Variants in DNAH6 observed in about 807,000 individuals in gnomAD.
The protein encoded by DNAH6 is dynein axonemal heavy chain 6.
A neutral mutation model predicts 491.4 loss-of-function variants in DNAH6; 340 were observed. That is an observed-to-expected ratio of 0.69 (90% CI 0.63 to 0.76). The LOEUF (loss-of-function observed/expected upper bound fraction) is 0.76, where lower values mean the gene tolerates loss of function less well. DNAH6 is among the 30% of genes least tolerant of loss of function. The pLI is 0.00. For synonymous variants in DNAH6, 1,603 were observed against 1,686.1 expected (o/e 0.95, Z 1.21); for missense variants, 4,443 against 4,972.2 (o/e 0.89, Z 3.20).
At chr2:84,586,316 T>A (rs534174114) in intron 15 of DNAH6, among the ~76,000 whole-genome samples, 1 of 152,290 alleles carries the variant, frequency 6.6e-6, no homozygotes, top group South Asian at 2.1e-4. Flanking sequence ...TGCCACTGGC[T>A]CCATGGAGTG....
intron 11 of DNAH6, 96 bp from the exon 12 acceptor site, chr2:84,573,371 T>G: frequency 9.7e-7 from 1 of 1,030,626 alleles, no homozygotes; most frequent in South Asian, 1.6e-5. Context: ...GGGCATAGAG[T>G]TTGTGTGCTT....
In DNAH6 at chr2:84,665,782, G is replaced by A. The variant is rs183802141; in HGVS notation, c.6085-3507G>A. ...AGCATCATCCTGACACCAAAGCCTGGCAGAGACACACACAAAAAAAGAGAA... is the reference window on the plus strand; with the variant it reads ...AGCATCATCCTGACACCAAAGCCTGACAGAGACACACACAAAAAAAGAGAA... On this transcript the variant is annotated intron_variant, in intron 37 of 76. Transcript: ENST00000389394. 4.0e-3 allele frequency among the ~76,000 whole-genome samples: 612 copies of A among 152,184 alleles called. 3 individuals are homozygous for A. The highest frequency in any genetic ancestry group is 0.014 in the African/African-American group (571 of 41,532).
At chr2:84,549,662 C>G (rs972264839) in intron 8 of DNAH6, among the ~76,000 whole-genome samples, 7 of 152,120 alleles carry the variant, frequency 4.6e-5, no homozygotes, top group African/African-American at 1.7e-4. Flanking sequence ...GTTAGAATAT[C>G]TAACTGAATT....
At chr2:84,506,463 T>C in the DNAH6 span, among the ~76,000 whole-genome samples, 3 of 152,250 alleles carry the variant, frequency 2.0e-5, no homozygotes, top group African/African-American at 7.2e-5. Context: ...AGATTCTGTA[T>C]ATTAGCCCTA....
In DNAH6 at chr2:84,781,038, C is replaced by T. The variant is rs191349212; in HGVS notation, c.10704-455C>T. Among the ~76,000 whole-genome samples, 69 of 152,094 alleles carry T rather than the reference C, an allele frequency of 4.5e-4. 1 individual carries two copies. The highest frequency in any genetic ancestry group is 1.6e-3 in the African/African-American group (66 of 41,484). On this transcript the variant is annotated intron_variant, in intron 64 of 76. Transcript: ENST00000389394. Reference sequence around the variant, plus strand: ...AGGTGGTGGTACATGTGCACATTTGCGTTGTGAGAATTCATTGACCCATAC... The same window carrying T: ...AGGTGGTGGTACATGTGCACATTTGTGTTGTGAGAATTCATTGACCCATAC...
the DNAH6 span, among the ~76,000 whole-genome samples, chr2:84,488,376 TA>T: frequency 7.7e-5 from 10 of 129,814 alleles, no homozygotes; most frequent in South Asian, 1.2e-3. Context: ...TAAAGTATAA[TA>T]AAAAAAATTA....
chr2:84,552,477 T>TG (rs1679489143), intron 9 of DNAH6, among the ~76,000 whole-genome samples: 1 of 152,204 alleles, frequency 6.6e-6, no homozygotes, highest in Admixed American at 6.5e-5. Context: ...ATTTGTATTT[T>TG]GCTTTCAAGA....
intron 15 of DNAH6, among the ~76,000 whole-genome samples, chr2:84,586,258 T>C (rs550457418): frequency 6.6e-6 from 1 of 152,150 alleles, no homozygotes; most frequent in Non-Finnish European, 1.5e-5. Context: ...CCACCCCAAC[T>C]TGGAAGGGGC....
At chr2:84,732,738 A>T (rs767457186) in intron 61 of DNAH6, among the ~76,000 whole-genome samples, 15 of 152,242 alleles carry the variant, frequency 9.9e-5, no homozygotes, top group Non-Finnish European at 1.5e-4. Context: ...TGAAATCATT[A>T]GATTATATAC....
chr2:84,717,450 G>A (rs1697649048), intron 58 of DNAH6, among the ~76,000 whole-genome samples: 1 of 152,186 alleles, frequency 6.6e-6, no homozygotes, highest in South Asian at 2.1e-4. Flanking sequence ...TCTGGAGCCA[G>A]CAGACCCAGG....
intron 70 of DNAH6, among the ~76,000 whole-genome samples, chr2:84,799,634 C>G (rs902757799): frequency 2.0e-5 from 3 of 152,254 alleles, no homozygotes; most frequent in Non-Finnish European, 4.4e-5. Context: ...CTCACTCTAA[C>G]TTTGGCAAGC....
rs1365172350 is a variant in DNAH6, at chr2:84,529,081, A to G, written c.577A>G (p.Ile193Val). 3.2e-6 allele frequency: 5 copies of G among 1,551,268 alleles called. No individual in the cohort carries two copies. Among genetic ancestry groups the G allele is most frequent in the Admixed American group, 3.9e-5 (2 of 50,974 alleles). The change falls in exon 4 of 77, where the codon ATA becomes GTA. Residue 193 changes from isoleucine (I) to valine (V), a missense_variant. Physicochemically the swap from Ile to Val is conservative, Grantham distance 29. This residue lies in a region of DNAH6 where 2,977 missense variants were observed against 3,296.6 expected (regional missense o/e 0.90). Coordinates refer to ENST00000389394, the MANE Select transcript of DNAH6 (RefSeq NM_001370.2). The part of the protein sequence containing the change: ...IRDPLQIIKI[I>V]RENEHLGFLY... ...TGATCCCTTGCAAATCATTAAAATA[A>G]TACGTGAAAATGAACATCTTGGATT...
intron 62 of DNAH6, among the ~76,000 whole-genome samples, chr2:84,734,262 T>C (rs1699355836): frequency 6.6e-6 from 1 of 150,478 alleles, no homozygotes; most frequent in South Asian, 2.1e-4. Context: ...GGCCTCAGCC[T>C]CCCTAGTAGC....
intron 43 of DNAH6, among the ~76,000 whole-genome samples, 161 bp downstream of exon 43, chr2:84,685,633 A>G (rs1694189177): frequency 6.6e-6 from 1 of 152,022 alleles, no homozygotes; most frequent in Non-Finnish European, 1.5e-5. Context: ...AATATGCAAT[A>G]TTATAAAATA....
chr2:84,793,539 A>C (rs1677996381), intron 68 of DNAH6, among the ~76,000 whole-genome samples: 1 of 152,198 alleles, frequency 6.6e-6, no homozygotes. Context: ...CTAGAGCTTT[A>C]TGTTCCAGCG....
intron 61 of DNAH6, among the ~76,000 whole-genome samples, chr2:84,730,577 T>C (rs1443009854): frequency 6.6e-6 from 1 of 151,330 alleles, no homozygotes; most frequent in African/African-American, 2.4e-5. Context: ...AAAAAAAAAA[T>C]CTCATAATGT....
intron 63 of DNAH6, among the ~76,000 whole-genome samples, chr2:84,753,583 C>T (rs957085568): frequency 4.6e-5 from 7 of 151,590 alleles, no homozygotes; most frequent in Non-Finnish European, 5.9e-5. Context: ...CATGGAGAAA[C>T]CCCGTCTCTA....
chr2:84,517,760 C>T, intron 1 of DNAH6, 59 bp from the exon 2 acceptor site: 1 of 1,343,572 alleles, frequency 7.4e-7, no homozygotes, highest in Non-Finnish European at 1.0e-6. Context: ...CCAGTAGCCT[C>T]CTTCCCCAAT....
chr2:84,570,475 C>T (rs888088418), intron 11 of DNAH6, among the ~76,000 whole-genome samples: 7 of 151,352 alleles, frequency 4.6e-5, no homozygotes, highest in Non-Finnish European at 7.4e-5. Flanking sequence ...TCTGTAAAAA[C>T]GCACCAATCA....
Sources: gnomAD v4.1 joint callset for allele counts (sites outside exome capture counted in the v4.1 genomes callset) on GRCh38, gnomAD v4.1.1 for gene constraint, gnomAD v4.1.1 regional missense constraint, MANE v1.5 for transcripts, NCBI Gene and HGNC (gene_info 2026-07-23, HGNC 2026-07-21) for gene names.